The following SVEP1 variants were observed in gnomAD, a reference collection of about 807,000 sequenced individuals.
SVEP1 encodes the protein sushi, von Willebrand factor type A, EGF and pentraxin domain-containing protein 1.
A neutral mutation model predicts 367.3 loss-of-function variants in SVEP1; 164 were observed. The observed-to-expected ratio is 0.45, with a 90% CI of 0.39 to 0.51. The LOEUF (loss-of-function observed/expected upper bound fraction) is 0.51, where lower values mean the gene tolerates loss of function less well. Ranked by LOEUF, SVEP1 falls within the 20% of genes least tolerant of loss-of-function variation. The pLI is 0.00. For missense variants in SVEP1, 4,117 were observed against 4,425.3 expected (o/e 0.93, Z 1.98); for synonymous variants, 1,666 against 1,611.6 (o/e 1.03, Z -0.81).
chr9:110,467,883 G>A (rs1828962437), intron 17 of SVEP1, among the ~76,000 whole-genome samples: 1 of 152,080 alleles, frequency 6.6e-6, no homozygotes, highest in South Asian at 2.1e-4. Context: ...CAAACTGCCT[G>A]CCTCAGCCTC....
At chr9:110,561,485 G>A (rs1830426618) in intron 1 of SVEP1, among the ~76,000 whole-genome samples, 1 of 152,164 alleles carries the variant, frequency 6.6e-6, no homozygotes, top group South Asian at 2.1e-4. Flanking sequence ...GAAAGCAATT[G>A]CCTTAATTTG....
intron 1 of SVEP1, among the ~76,000 whole-genome samples, chr9:110,558,332 A>C (rs1830379508): frequency 2.5e-5 from 1 of 40,366 alleles, no homozygotes; most frequent in African/African-American, 1.4e-4. Flanking sequence ...CCCTGTCTCT[A>C]CAAAAAAAAA....
chr9:110,443,372 GA>G (rs1196528571), intron 27 of SVEP1, 172 bp downstream of exon 27: 4 of 554,204 alleles, frequency 7.2e-6, no homozygotes, highest in Non-Finnish European at 5.6e-6. Context: ...GCTTACTTAG[GA>G]AAAAAGCTTC....
At chr9:110,400,828 T>C (rs529883433) in intron 40 of SVEP1, 26 bp downstream of exon 40, 1 of 1,586,390 alleles carries the variant, frequency 6.3e-7, no homozygotes, top group African/African-American at 1.4e-5. Flanking sequence ...ACAAATTATT[T>C]CTAGTTAAAC....
chr9:110,558,140 T>C (rs1328218488), intron 1 of SVEP1, among the ~76,000 whole-genome samples: 1 of 152,018 alleles, frequency 6.6e-6, no homozygotes, highest in Non-Finnish European at 1.5e-5. Context: ...ATGAAAATAT[T>C]CTGTAAATCC....
rs568171560 is a variant in SVEP1 at position 110,483,774 on chromosome 9, C to T, written c.1931-81G>A. 35 of 1,062,034 alleles carry T rather than the reference C, an allele frequency of 3.3e-5. 1 individual carries two copies. In the South Asian group the frequency reaches 4.1e-4, roughly 12 times the overall value. The allele number at this position is 1,062,034 out of a possible 1,614,324, so 65.8% of individuals were successfully genotyped here. Reference sequence around the variant, plus strand: ...GAGGTTTTCAAAAGAGAACTGAAGTCGGCTTGTGCTGGCAGACAGCCTTGA... The same window carrying T: ...GAGGTTTTCAAAAGAGAACTGAAGTTGGCTTGTGCTGGCAGACAGCCTTGA... On this transcript the variant is annotated intron_variant, in intron 9 of 47. Transcript: ENST00000374469.
At chr9:110,466,790 T>C (rs2118656770) in intron 17 of SVEP1, among the ~76,000 whole-genome samples, 2 of 144,704 alleles carry the variant, frequency 1.4e-5, no homozygotes, top group Middle Eastern at 3.6e-3. Flanking sequence ...AACTGGCTGC[T>C]CTAAATAAGA....
At chr9:110,468,906 C>T (rs1343711567) in intron 17 of SVEP1, 34 bp downstream of exon 17, 8 of 1,504,592 alleles carry the variant, frequency 5.3e-6, no homozygotes, top group Admixed American at 2.1e-5. Context: ...AAAAATTGGG[C>T]TGCTTCTAGT....
rs193171990 is a variant in SVEP1 at position 110,569,223 on chromosome 9, G to A, written c.531+9790C>T. On this transcript the variant is annotated intron_variant, in intron 1 of 47. Transcript: ENST00000374469. The stretch of plus-strand genomic sequence containing the variant: ...TAAAAAATTGAGGCTTTGGGAGGCC[G>A]AGGTGGGCAGATCACCTGAGGTCGG... Among the ~76,000 whole-genome samples, 561 of 152,234 alleles carry A rather than the reference G, an allele frequency of 3.7e-3. 3 individuals are homozygous for A. The highest frequency in any genetic ancestry group is 3.7e-3 in the African/African-American group (154 of 41,556).
chr9:110,459,053 C>T lies in SVEP1; in HGVS notation c.3383G>A (p.Arg1128His), dbSNP rs368861332. Residue 1128 changes from arginine (R) to histidine (H), a missense_variant, in exon 19 of 48, where the codon CGT (arginine) becomes CAT (histidine). By Grantham distance (29) the Arg-to-His change is conservative (BLOSUM62 0). Transcript: ENST00000374469. The stretch of plus-strand genomic sequence containing the variant: ...CCCTGCATTAGGTTGGTAATAGTCA[C>T]GAGGACATGGGTGACAGGGCATTAA... ...SGLMPCHPCP[R>H]DYYQPNAGKA... The T allele has an allele frequency of 2.4e-5, 39 of 1,613,622 alleles. No individual in the cohort carries two copies. The highest frequency in any genetic ancestry group is 9.3e-5 in the African/African-American group (7 of 74,870).
intron 22 of SVEP1, among the ~76,000 whole-genome samples, chr9:110,455,064 G>A (rs1469713464): frequency 6.6e-6 from 1 of 152,108 alleles, no homozygotes; most frequent in Non-Finnish European, 1.5e-5. Flanking sequence ...GAGGCATAGT[G>A]GTCCATAACA....
intron 43 of SVEP1, among the ~76,000 whole-genome samples, chr9:110,383,392 G>A (rs1827470217): frequency 6.6e-6 from 1 of 152,198 alleles, no homozygotes; most frequent in Non-Finnish European, 1.5e-5. Flanking sequence ...ACCTGCACCT[G>A]AAGGTGTTAC....
intron 40 of SVEP1, among the ~76,000 whole-genome samples, chr9:110,394,204 T>G (rs1460804784): frequency 6.6e-6 from 1 of 151,810 alleles, no homozygotes; most frequent in Non-Finnish European, 1.5e-5. Context: ...TTCACCAATA[T>G]CCGCTGTTCT....
At chr9:110,451,508 C>A in intron 22 of SVEP1, 106 bp from the exon 23 acceptor site, 1 of 669,354 alleles carries the variant, frequency 1.5e-6, no homozygotes, top group Non-Finnish European at 2.5e-6. Flanking sequence ...AATTGGAAAT[C>A]ATGGCTAACA....
chr9:110,449,474 G>A (rs527358490), intron 24 of SVEP1, among the ~76,000 whole-genome samples: 1 of 152,320 alleles, frequency 6.6e-6, no homozygotes, highest in African/African-American at 2.4e-5. Flanking sequence ...TCTGAGGCCA[G>A]GAGTTCAAGA....
chr9:110,495,954 C>A (rs1829439309), intron 8 of SVEP1, among the ~76,000 whole-genome samples: 1 of 152,094 alleles, frequency 6.6e-6, no homozygotes. Context: ...AGGATTGAGT[C>A]CACATCTTTT....
chr9:110,448,945 A>G (rs1718000313), intron 24 of SVEP1, among the ~76,000 whole-genome samples: 2 of 152,304 alleles, frequency 1.3e-5, no homozygotes, highest in Admixed American at 6.5e-5. Flanking sequence ...AGGGGGCTGA[A>G]CTAGAAGAAA....
intron 36 of SVEP1, 21 bp downstream of exon 36, chr9:110,427,570 T>C (rs375232569): frequency 5.0e-6 from 8 of 1,605,870 alleles, no homozygotes; most frequent in Non-Finnish European, 6.0e-6. Flanking sequence ...AATGATCCTT[T>C]CCTTCACAGG....
chr9:110,543,696 C>T (rs567299383), intron 3 of SVEP1, among the ~76,000 whole-genome samples: 1 of 152,146 alleles, frequency 6.6e-6, no homozygotes, highest in Non-Finnish European at 1.5e-5. Flanking sequence ...TGGCAGGGAG[C>T]AGTTCAGTCT....
Sources: gnomAD v4.1 joint callset for allele counts (sites outside exome capture counted in the v4.1 genomes callset) on GRCh38, gnomAD v4.1.1 for gene constraint, MANE v1.5 for transcripts, NCBI Gene and HGNC (gene_info 2026-07-23, HGNC 2026-07-21) for gene names.